Variants in AMOT observed in about 807,000 individuals in gnomAD.
AMOT encodes angiomotin.
Under a neutral mutation model 67.0 loss-of-function variants are expected in AMOT, and 11 were observed. The observed-to-expected ratio is 0.16, with a 90% CI of 0.10 to 0.27. The LOEUF is 0.27. Among genes scored for constraint, AMOT ranks in the 10% least tolerant of loss-of-function variants. The pLI is 1.00. For missense variants in AMOT, 753 were observed against 852.0 expected (o/e 0.88, Z 1.45); for synonymous variants, 326 against 321.4 (o/e 1.01, Z -0.15).
Position 112,782,556 on chromosome X carries a change from G to A in AMOT, c.2224C>T (p.Leu742Phe), listed in dbSNP as rs371224548. ...ACATTTTACCTGCCCTCCATGTCAA[G>A]GCAACGCTTATTGGCCATCAAGATT... ...EEILMANKRC[L>F]DMEGRIKTLH... The change falls in exon 11 of 14, where the codon CTT becomes TTT. Residue 742 changes from leucine to phenylalanine, a missense_variant. Around this residue, in one of 5 missense-constraint regions of AMOT, gnomAD observed 269 missense variants for 300.9 expected, o/e 0.89. Coordinates refer to ENST00000371959, the MANE Select transcript of AMOT (RefSeq NM_001113490.2). The A allele has an allele frequency of 1.2e-5, 15 of 1,209,760 alleles. No individual in the cohort carries two copies. The highest frequency in any genetic ancestry group is 1.8e-5 in the African/African-American group (1 of 57,040).
intron 2 of AMOT, among the ~76,000 whole-genome samples, chrX:112,828,364 T>C (rs770064697): frequency 6.8e-5 from 7 of 103,298 alleles, no homozygotes; most frequent in Non-Finnish European, 1.4e-4. Flanking sequence ...ATCTGCAAAA[T>C]AGGGATAATG....
chrX:112,782,728 TA>T, intron 10 of AMOT, 66 bp from the exon 11 acceptor site: 1 of 1,140,199 alleles, frequency 8.8e-7, no homozygotes, highest in Non-Finnish European at 1.2e-6. Flanking sequence ...ATCTTTCTTC[TA>T]AGTCAAGGAA....
At chrX:112,834,632 A>G (rs964531978) in intron 1 of AMOT, among the ~76,000 whole-genome samples, 5 of 112,832 alleles carry the variant, frequency 4.4e-5, no homozygotes, top group African/African-American at 6.4e-5. Flanking sequence ...TTCCATCATT[A>G]ATAAAATCCA....
At chrX:112,833,342 C>G (rs1013463192) in intron 1 of AMOT, among the ~76,000 whole-genome samples, 4 of 110,651 alleles carry the variant, frequency 3.6e-5, no homozygotes, top group African/African-American at 1.3e-4. Context: ...TCACCATAAC[C>G]TCTTTCCTTC....
chrX:112,819,584 C>T (rs974017128), intron 4 of AMOT: 1 of 141,326 alleles, frequency 7.1e-6, no homozygotes, highest in African/African-American at 3.2e-5. Flanking sequence ...ATGTATAAAC[C>T]CAGGATGCAG....
Position 112,791,824 on chromosome X carries a change from C to T in AMOT, c.1926+8G>A, listed in dbSNP as rs748155717. The stretch of plus-strand genomic sequence containing the variant: ...TTTTTTCCCTTTCTTCCTTTAAGTT[C>T]TCCATACCTGCTGGATTCTCAGGGA... On this transcript the variant is annotated splice_region_variant and intron_variant, in intron 9 of 13. Coordinates refer to ENST00000371959, the MANE Select transcript of AMOT (RefSeq NM_001113490.2). 8.3e-7 allele frequency: 1 copy of T among 1,209,121 alleles called. No homozygotes were observed. Among genetic ancestry groups the T allele is most frequent in the Admixed American group, 2.2e-5 (1 of 45,755 alleles).
At chrX:112,808,967 G>GT (rs1270262640) in intron 7 of AMOT, among the ~76,000 whole-genome samples, 1 of 112,162 alleles carries the variant, frequency 8.9e-6, no homozygotes, top group African/African-American at 3.2e-5. Flanking sequence ...GGGCAGTATT[G>GT]TAAGTGAAGA....
At chrX:112,782,807 C>A in intron 10 of AMOT, 145 bp from the exon 11 acceptor site, 2 of 728,728 alleles carry the variant, frequency 2.7e-6, no homozygotes, top group Non-Finnish European at 3.9e-6. Context: ...GGGAACTAAC[C>A]CGTAAGAGCC....
chrX:112,794,967 C>T (rs542227274), intron 8 of AMOT, among the ~76,000 whole-genome samples: 2 of 111,192 alleles, frequency 1.8e-5, no homozygotes, highest in Middle Eastern at 9.3e-3. Context: ...CATTTTCCCA[C>T]AGGAGGACAT....
At chrX:112,833,108 C>T (rs1935036288) in intron 1 of AMOT, among the ~76,000 whole-genome samples, 1 of 111,719 alleles carries the variant, frequency 9.0e-6, no homozygotes, top group African/African-American at 3.3e-5. Context: ...TGCAGGCATA[C>T]ACCTACACCG....
At chrX:112,820,344 A>T (rs1159429455) in intron 4 of AMOT, among the ~76,000 whole-genome samples, 1 of 111,473 alleles carries the variant, frequency 9.0e-6, no homozygotes, top group Non-Finnish European at 1.9e-5. Flanking sequence ...AGGATAAAAA[A>T]TATGTATCTT....
chrX:112,833,027 CAAG>C (rs1380881044), intron 1 of AMOT, among the ~76,000 whole-genome samples: 1 of 112,022 alleles, frequency 8.9e-6, no homozygotes, highest in Non-Finnish European at 1.9e-5. Context: ...CCTGCCTTCC[CAAG>C]AAGGACTAAG....
At chrX:112,804,898 T>TTGC in intron 8 of AMOT, 49 bp downstream of exon 8, 9 of 837,539 alleles carry the variant, frequency 1.1e-5, no homozygotes, top group Non-Finnish European at 1.6e-5. Flanking sequence ...GTCCCCGATT[T>TTGC]CCCAGCCCTC....
intron 4 of AMOT, chrX:112,819,361 A>G (rs1019607781): frequency 6.9e-5 from 52 of 752,920 alleles, no homozygotes; most frequent in Non-Finnish European, 7.4e-5. Flanking sequence ...GCAATGGTGA[A>G]TCGGTGAATC....
chrX:112,791,409 T>A (rs1441745243), intron 9 of AMOT, among the ~76,000 whole-genome samples: 1 of 111,365 alleles, frequency 9.0e-6, no homozygotes, highest in Non-Finnish European at 1.9e-5. Flanking sequence ...GCCCATAACT[T>A]GTTGTAGTTA....
rs1454533978 is a variant in AMOT at position 112,778,036 on chromosome X, C to T, written c.*531G>A. The T allele has an allele frequency of 8.9e-6, 1 of 111,845 alleles. No individual in the cohort carries two copies. Among genetic ancestry groups the T allele is most frequent in the African/African-American group, 3.3e-5 (1 of 30,600 alleles). 9.2% of individuals were successfully genotyped at this position (111,845 alleles called of 1,213,427 possible). ...TCCAGTACCCTTCTGCACCCCAAAA[C>T]TCCCTACCTTTTTTCCAGCTTACAT... is the stretch of plus-strand genomic sequence containing the variant. On this transcript the variant is annotated 3_prime_UTR_variant, in exon 14 of 14. Coordinates refer to ENST00000371959, the MANE Select transcript of AMOT (RefSeq NM_001113490.2).
At chrX:112,834,774 C>A (rs1935092086) in intron 1 of AMOT, among the ~76,000 whole-genome samples, 1 of 112,779 alleles carries the variant, frequency 8.9e-6, no homozygotes, top group African/African-American at 3.2e-5. Context: ...TTGCTTTATT[C>A]TTTTTCATCT....
At chrX:112,812,774 C>T (rs1190087803) in intron 5 of AMOT, among the ~76,000 whole-genome samples, 2 of 111,971 alleles carry the variant, frequency 1.8e-5, no homozygotes, top group Admixed American at 1.9e-4. Context: ...ATATCAGGCC[C>T]CTAATGGGAC....
At chrX:112,785,230 A>AC (rs1460195915) in intron 10 of AMOT, among the ~76,000 whole-genome samples, 2 of 111,763 alleles carry the variant, frequency 1.8e-5, no homozygotes, top group Non-Finnish European at 3.8e-5. Flanking sequence ...GATGTTGACA[A>AC]CCTCCATCTC....
Sources: allele counts gnomAD v4.1 joint callset (sites outside exome capture counted in the v4.1 genomes callset), GRCh38; gene constraint gnomAD v4.1.1; regional missense constraint gnomAD v4.1.1; transcripts MANE v1.5; gene names NCBI Gene and HGNC (gene_info 2026-07-23, HGNC 2026-07-21).